WWOX: variants seen among roughly 807,000 people sequenced by gnomAD.
The protein encoded by WWOX is WW domain-containing oxidoreductase.
A neutral mutation model predicts 46.2 loss-of-function variants in WWOX; 69 were observed. The observed-to-expected ratio is 1.49, with a 90% confidence interval of 1.23 to 1.82. The LOEUF is 1.82. Ranked by LOEUF, WWOX falls within the 40% of genes most tolerant of loss-of-function variation. WWOX has a pLI of 0.00. For synonymous variants in WWOX, 359 were observed against 202.6 expected (o/e 1.77, Z -6.56); for missense variants, 919 against 542.6 (o/e 1.69, Z -6.89).
Position 78,771,549 on chromosome 16 carries a change from A to T in WWOX, c.1056+338797A>T, listed in dbSNP as rs148288716. ...CACTTTGGGAGGCTGAGATGGGCGGATCACTTGAGGTCAGGAGTTCGAGAC... is the reference window on the plus strand; with the variant it reads ...CACTTTGGGAGGCTGAGATGGGCGGTTCACTTGAGGTCAGGAGTTCGAGAC... On this transcript the variant is annotated intron_variant, in intron 8 of 8. Transcript: ENST00000566780. Among the ~76,000 whole-genome samples, 790 of 152,246 alleles carry T rather than the reference A, an allele frequency of 5.2e-3. 1 individual carries two copies. The highest frequency in any genetic ancestry group is 0.01 in the Middle Eastern group (3 of 294).
intron 8 of WWOX, among the ~76,000 whole-genome samples, chr16:79,089,119 C>T (rs912628271): frequency 6.6e-6 from 1 of 152,104 alleles, no homozygotes; most frequent in African/African-American, 2.4e-5. Context: ...TGTGACTTTT[C>T]ATCAGGAAGG....
intron 5 of WWOX, among the ~76,000 whole-genome samples, chr16:78,244,458 A>G (rs1597395114): frequency 6.6e-6 from 1 of 152,216 alleles, no homozygotes; most frequent in East Asian, 1.9e-4. Flanking sequence ...AGTATCTGGA[A>G]TAGGATTCCA....
At chr16:78,323,768 T>C (rs1481482175) in intron 5 of WWOX, among the ~76,000 whole-genome samples, 1 of 152,228 alleles carries the variant, frequency 6.6e-6, no homozygotes, top group Non-Finnish European at 1.5e-5. Context: ...TCCTGGCTCC[T>C]GTAACATATA....
At chr16:78,375,275 GC>G (rs1482322900) in intron 5 of WWOX, among the ~76,000 whole-genome samples, 2 of 152,196 alleles carry the variant, frequency 1.3e-5, no homozygotes, top group Non-Finnish European at 2.9e-5. Flanking sequence ...ACGCAGTGTG[GC>G]CAACTTCCGA....
chr16:78,753,893 G>T (rs1243446229), intron 8 of WWOX, among the ~76,000 whole-genome samples: 1 of 125,494 alleles, frequency 8.0e-6, no homozygotes, highest in Admixed American at 9.0e-5. Context: ...AGGAAGCATA[G>T]AATTGAAGAG....
chr16:78,735,121 C>T (rs563353106), intron 8 of WWOX, among the ~76,000 whole-genome samples: 21 of 151,746 alleles, frequency 1.4e-4, no homozygotes, highest in African/African-American at 2.9e-4. Flanking sequence ...CCTGCCTTGA[C>T]GTCGCAAAGT....
At chr16:78,417,756 G>A (rs2082832034) in intron 6 of WWOX, among the ~76,000 whole-genome samples, 1 of 152,114 alleles carries the variant, frequency 6.6e-6, no homozygotes, top group African/African-American at 2.4e-5. Flanking sequence ...TGCTTCAAAG[G>A]ATTTCTGCCT....
intron 8 of WWOX, among the ~76,000 whole-genome samples, chr16:78,836,368 C>T (rs1007848172): frequency 6.6e-6 from 1 of 152,040 alleles, no homozygotes; most frequent in Non-Finnish European, 1.5e-5. Flanking sequence ...AGATAGGAGG[C>T]CCTCTCTGTG....
At chr16:78,260,138 A>G (rs1270915434) in intron 5 of WWOX, among the ~76,000 whole-genome samples, 1 of 151,384 alleles carries the variant, frequency 6.6e-6, no homozygotes, top group Non-Finnish European at 1.5e-5. Flanking sequence ...GCAGGCAGCC[A>G]TCCTTGCTGT....
chr16:78,770,726 C>G (rs754025295), intron 8 of WWOX, among the ~76,000 whole-genome samples: 1 of 151,718 alleles, frequency 6.6e-6, no homozygotes, highest in Non-Finnish European at 1.5e-5. Flanking sequence ...CACCAGAACC[C>G]GTCTGCGCCA....
intron 8 of WWOX, among the ~76,000 whole-genome samples, chr16:78,829,796 A>G (rs539447715): frequency 6.6e-6 from 1 of 152,280 alleles, no homozygotes; most frequent in East Asian, 1.9e-4. Context: ...TGTAGCCAAA[A>G]TTGGAACTCC....
At chr16:78,229,374 T>G (rs951229685) in intron 5 of WWOX, among the ~76,000 whole-genome samples, 12 of 151,234 alleles carry the variant, frequency 7.9e-5, no homozygotes, top group African/African-American at 2.9e-4. Context: ...TTTTCCATTC[T>G]TTTTAACTCA....
chr16:78,941,543 G>A (rs538220140), intron 8 of WWOX, among the ~76,000 whole-genome samples: 5 of 152,084 alleles, frequency 3.3e-5, no homozygotes, highest in Non-Finnish European at 5.9e-5. Flanking sequence ...GCTGGGGACG[G>A]GGGGATAGAG....
chr16:78,358,871 T>C (rs1164888191), intron 5 of WWOX, among the ~76,000 whole-genome samples: 1 of 150,302 alleles, frequency 6.7e-6, no homozygotes, highest in Admixed American at 6.6e-5. Context: ...GTGGTCTTTT[T>C]TTTTTTTTTT....
chr16:78,101,346 C>CTTTTTTTTTTTTT lies in WWOX; in HGVS notation c.107+1466_107+1478dup, dbSNP rs71137871. 5.2e-3 allele frequency among the ~76,000 whole-genome samples: 349 copies of CTTTTTTTTTTTTT among 66,830 alleles called. 52 individuals are homozygous for CTTTTTTTTTTTTT. The highest frequency in any genetic ancestry group is 9.7e-3 in the African/African-American group (214 of 22,058). 43.8% of individuals were successfully genotyped at this position (66,830 alleles called of 152,430 possible). On this transcript the variant is annotated intron_variant, in intron 1 of 8. Transcript: ENST00000566780. Reference sequence around the variant, plus strand: ...ACAGGCGTGAGCTACCGCTCCCGGCCTTTTTTTTTTTTTTTTTAAAGACAG... The same window carrying CTTTTTTTTTTTTT: ...ACAGGCGTGAGCTACCGCTCCCGGCCTTTTTTTTTTTTTTTTTTTTTTTTTTTTTTAAAGACAG...
chr16:79,111,058 A>G (rs1323697865), intron 8 of WWOX, among the ~76,000 whole-genome samples: 1 of 152,170 alleles, frequency 6.6e-6, no homozygotes, highest in Non-Finnish European at 1.5e-5. Flanking sequence ...GATCATTTGT[A>G]CCCTTAACAC....
At chr16:79,185,979 T>C (rs2051006648) in intron 8 of WWOX, among the ~76,000 whole-genome samples, 1 of 152,072 alleles carries the variant, frequency 6.6e-6, no homozygotes, top group South Asian at 2.1e-4. Flanking sequence ...TGTGTGTGTG[T>C]GTGTATTATT....
At chr16:78,577,707 G>A (rs971850585) in intron 8 of WWOX, among the ~76,000 whole-genome samples, 1 of 152,170 alleles carries the variant, frequency 6.6e-6, no homozygotes, top group African/African-American at 2.4e-5. Flanking sequence ...ATAGCTCTGG[G>A]AGACAGTGTG....
intron 8 of WWOX, among the ~76,000 whole-genome samples, chr16:79,142,496 A>G (rs1261124649): frequency 6.6e-6 from 1 of 152,192 alleles, no homozygotes; most frequent in Non-Finnish European, 1.5e-5. Context: ...AAAGCTGATC[A>G]TTAAACATTT....
Sources: gnomAD v4.1 joint callset for allele counts (sites outside exome capture counted in the v4.1 genomes callset) on GRCh38, gnomAD v4.1.1 for gene constraint, MANE v1.5 for transcripts, NCBI Gene and HGNC (gene_info 2026-07-23, HGNC 2026-07-21) for gene names.